DISP1: variants seen among roughly 807,000 people sequenced by gnomAD.
The protein encoded by DISP1 is protein dispatched homolog 1.
DISP1 carries 30 observed loss-of-function variants against 37.3 expected under a neutral mutation model. The observed-to-expected ratio is 0.80, with a 90% CI of 0.60 to 1.09. DISP1 has a LOEUF of 1.09. Among genes scored for constraint, DISP1 ranks in the 50% least tolerant of loss-of-function variants. The pLI is 0.00. For missense variants in DISP1, 1,598 were observed against 1,879.5 expected (o/e 0.85, Z 2.77); for synonymous variants, 634 against 690.2 (o/e 0.92, Z 1.28).
chr1:222,990,894 C>A, intron 5 of DISP1, 146 bp downstream of exon 5: 1 of 1,182,332 alleles, frequency 8.5e-7, no homozygotes. Flanking sequence ...AAAGACATGA[C>A]TTTATCTGTA....
At chr1:222,843,565 G>T (rs868552135) in intron 1 of DISP1, among the ~76,000 whole-genome samples, 1 of 115,078 alleles carries the variant, frequency 8.7e-6, no homozygotes, top group Non-Finnish European at 2.0e-5. Context: ...ATGAAGGATG[G>T]GGGGGGGAAA....
intron 1 of DISP1, among the ~76,000 whole-genome samples, chr1:222,818,407 C>T (rs144039859): frequency 6.6e-6 from 1 of 152,282 alleles, no homozygotes; most frequent in East Asian, 1.9e-4. Context: ...GAGCCTCCCA[C>T]CTCTTGTGTG....
At position 222,994,863 on chromosome 1, in the gene DISP1, C is replaced by CTT. The variant is rs546218400; in HGVS notation, c.890-13_890-12dup. ...AATAATTTATAAACCTTTTTCTTTCCTTTTTTTTTTCATATCACCAGGTGA... is the reference window on the plus strand; with the variant it reads ...AATAATTTATAAACCTTTTTCTTTCCTTTTTTTTTTTTCATATCACCAGGTGA... On this transcript the variant is annotated intron_variant, in intron 7 of 8. Coordinates refer to ENST00000675850, the MANE Select transcript of DISP1 (RefSeq NM_001377229.1). The CTT allele has an allele frequency of 1.4e-5, 20 of 1,393,554 alleles. No homozygotes were observed. The East Asian group carries it at 2.8e-4, about 19-fold the overall frequency. The allele number at this position is 1,393,554 out of a possible 1,614,324, so 86.3% of individuals were successfully genotyped here. A position where few individuals can be genotyped will look rare whatever the true frequency, so the allele number is the denominator to read the frequency against.
chr1:222,937,905 G>T (rs965563924), intron 2 of DISP1, among the ~76,000 whole-genome samples: 1 of 147,628 alleles, frequency 6.8e-6, no homozygotes. Context: ...ACAGGGTCTC[G>T]TTCTACCACC....
chr1:222,900,374 C>A (rs1332380425), intron 1 of DISP1, among the ~76,000 whole-genome samples: 2 of 152,134 alleles, frequency 1.3e-5, no homozygotes, highest in Non-Finnish European at 2.9e-5. Flanking sequence ...CATACATACC[C>A]ATTCACATGA....
intron 2 of DISP1, among the ~76,000 whole-genome samples, chr1:222,939,119 A>G (rs957394630): frequency 2.0e-5 from 3 of 152,176 alleles, no homozygotes; most frequent in African/African-American, 7.2e-5. Context: ...TTCCTACTTC[A>G]TTACAAGAAG....
intron 3 of DISP1, among the ~76,000 whole-genome samples, chr1:222,980,672 A>G (rs927944148): frequency 1.3e-5 from 2 of 152,134 alleles, no homozygotes; most frequent in Admixed American, 6.5e-5. Flanking sequence ...TATGTATCTA[A>G]TGTCTTTTTT....
intron 1 of DISP1, among the ~76,000 whole-genome samples, chr1:222,848,044 G>A (rs1283421551): frequency 2.0e-5 from 3 of 151,610 alleles, no homozygotes; most frequent in Non-Finnish European, 2.9e-5. Context: ...TTTTTGGGGG[G>A]AATATTTTAG....
rs141889350 is a variant in DISP1 at position 222,897,756 on chromosome 1, A to G, written c.-158-30674A>G. Among the ~76,000 whole-genome samples the G allele has an allele frequency of 4.2e-3, 635 of 152,174 alleles. 12 individuals carry two copies. Among genetic ancestry groups the G allele is most frequent in the Admixed American group, 0.018 (273 of 15,292 alleles). ...ACATTTCTTAACATCTATCACTTTC[A>G]CTTTCATTTGAATGTTTTTATTTTA... is the stretch of plus-strand genomic sequence containing the variant. On this transcript the variant is annotated intron_variant, in intron 1 of 8. Coordinates refer to ENST00000675850, the MANE Select transcript of DISP1 (RefSeq NM_001377229.1).
At chr1:222,839,235 G>A (rs1420793729) in intron 1 of DISP1, among the ~76,000 whole-genome samples, 1 of 152,148 alleles carries the variant, frequency 6.6e-6, no homozygotes, top group East Asian at 1.9e-4. Context: ...ATTCTCATAG[G>A]AGTGTGAACT....
intron 1 of DISP1, among the ~76,000 whole-genome samples, chr1:222,885,742 T>G (rs1473124319): frequency 6.6e-6 from 1 of 152,168 alleles, no homozygotes; most frequent in Non-Finnish European, 1.5e-5. Context: ...GAGTGCTAGA[T>G]GTGCTTCCTG....
At chr1:223,001,737 TC>T (rs1451704863) in intron 8 of DISP1, among the ~76,000 whole-genome samples, 1 of 152,134 alleles carries the variant, frequency 6.6e-6, no homozygotes, top group East Asian at 1.9e-4. Flanking sequence ...TCATGAGGGC[TC>T]CTCCCTTGTG....
chr1:222,851,725 T>A (rs1416065397), intron 1 of DISP1, among the ~76,000 whole-genome samples: 1 of 152,096 alleles, frequency 6.6e-6, no homozygotes, highest in African/African-American at 2.4e-5. Flanking sequence ...TTTCCCAGTT[T>A]CAAATATTCA....
chr1:222,941,915 C>CT (rs369312758), intron 2 of DISP1, among the ~76,000 whole-genome samples: 12,035 of 139,570 alleles, frequency 0.086, 628 homozygotes, highest in Non-Finnish European at 0.12. Flanking sequence ...TTTGATGACC[C>CT]TTTTTTTTTT....
chr1:222,947,350 CTTTT>C (rs1401579774), intron 3 of DISP1, among the ~76,000 whole-genome samples: 1 of 152,006 alleles, frequency 6.6e-6, no homozygotes, highest in African/African-American at 2.4e-5. Flanking sequence ...AATTTCCTTT[CTTTT>C]TAAGGCTGAA....
chr1:222,834,196 T>C (rs1666444462), intron 1 of DISP1, among the ~76,000 whole-genome samples: 1 of 151,982 alleles, frequency 6.6e-6, no homozygotes, highest in Non-Finnish European at 1.5e-5. Flanking sequence ...TTACCCCCTT[T>C]CCTTAGAAGT....
rs1248248785 is a variant in DISP1, at chr1:222,899,261, A to G, written c.-158-29169A>G. Among the ~76,000 whole-genome samples the G allele has an allele frequency of 3.3e-5, 5 of 152,164 alleles. No homozygotes were observed. The East Asian group carries it at 9.6e-4, about 29-fold the overall frequency. ...TGGGGGAGGAGTTGTGGGGGGAGCA[A>G]GAAAATAGTCTCCGATTCTAACATA... On this transcript the variant is annotated intron_variant, in intron 1 of 8. Coordinates refer to ENST00000675850, the MANE Select transcript of DISP1 (RefSeq NM_001377229.1).
rs745450900 is a variant in DISP1 at position 222,990,676 on chromosome 1, C to G, written c.591C>G (p.Thr197=). ...CGGTGGTGGTCTTGGGCATGTGCAC[C>G]ATGTTCATCGTAGTCTGTGCCTTGG... ...DWPVVVLGMC[T]MFIVVCALVG... The change falls in exon 5 of 9, where the codon ACC becomes ACG. Residue 197 remains threonine, a synonymous_variant. Transcript: ENST00000675850. 6.2e-7 allele frequency: 1 copy of G among 1,614,014 alleles called. No individual in the cohort carries two copies. Among genetic ancestry groups the G allele is most frequent in the Non-Finnish European group, 8.5e-7 (1 of 1,180,006 alleles).
At chr1:222,897,961 G>A (rs753984242) in intron 1 of DISP1, among the ~76,000 whole-genome samples, 12 of 151,996 alleles carry the variant, frequency 7.9e-5, no homozygotes, top group Admixed American at 2.0e-4. Flanking sequence ...TTATGTCTTC[G>A]CAGTAAGTAG....
Sources: allele counts gnomAD v4.1 joint callset (sites outside exome capture counted in the v4.1 genomes callset), GRCh38; gene constraint gnomAD v4.1.1; transcripts MANE v1.5; gene names NCBI Gene and HGNC (gene_info 2026-07-23, HGNC 2026-07-21).